NRXN1: variants seen among roughly 807,000 people sequenced by gnomAD.
The protein encoded by NRXN1 is neurexin 1, also known as neurexin-1.
A neutral mutation model predicts 150.9 loss-of-function variants in NRXN1; 39 were observed. That is an observed-to-expected ratio of 0.26 (90% confidence interval 0.20 to 0.34). The LOEUF is 0.34. Among genes scored for constraint, NRXN1 ranks in the 10% least tolerant of loss-of-function variants. The pLI is 1.00. For synonymous variants in NRXN1, 924 were observed against 757.0 expected, an observed-to-expected ratio of 1.22 and a Z score of -3.62; for missense variants, 1,815 against 1,949.9, an observed-to-expected ratio of 0.93 and a Z score of 1.30.
At chr2:50,178,041 T>C (rs1288355578) in intron 18 of NRXN1, among the ~76,000 whole-genome samples, 1 of 151,960 alleles carries the variant, frequency 6.6e-6, no homozygotes, top group Non-Finnish European at 1.5e-5. Flanking sequence ...AATTTGAGGG[T>C]TTACTAGAAG....
chr2:50,845,934 C>A (rs995665971), intron 5 of NRXN1, among the ~76,000 whole-genome samples: 1 of 152,134 alleles, frequency 6.6e-6, no homozygotes, highest in Non-Finnish European at 1.5e-5. Flanking sequence ...AATAGCACAG[C>A]CCATGAATTT....
chr2:50,472,518 C>A lies in NRXN1; in HGVS notation c.3071-47G>T. The A allele has an allele frequency of 2.0e-6, 3 of 1,497,320 alleles. 1 individual carries two copies. The Middle Eastern group carries it at 5.5e-4, about 272-fold the overall frequency. The allele number at this position is 1,497,320 out of a possible 1,614,324, so 92.8% of individuals were successfully genotyped here. A position where few individuals can be genotyped will look rare whatever the true frequency, so the allele number is the denominator to read the frequency against. The stretch of plus-strand genomic sequence containing the variant: ...TGTTACAAAAGTACCATGTCATTGA[C>A]TTTAAACACACAGTAGGATGGAGAA... On this transcript the variant is annotated intron_variant, in intron 15 of 22. Coordinates refer to ENST00000401669, the MANE Select transcript of NRXN1 (RefSeq NM_001330078.2).
At chr2:50,382,484 A>C (rs1480749507) in intron 17 of NRXN1, among the ~76,000 whole-genome samples, 2 of 152,130 alleles carry the variant, frequency 1.3e-5, no homozygotes, top group Non-Finnish European at 2.9e-5. Context: ...AGAAAAATGA[A>C]AAATACTGGT....
chr2:50,112,199 T>C (rs1346544296), intron 18 of NRXN1, among the ~76,000 whole-genome samples: 1 of 152,180 alleles, frequency 6.6e-6, no homozygotes, highest in Non-Finnish European at 1.5e-5. Context: ...CCCATCTGTG[T>C]TGCCTTTGCT....
chr2:50,467,991 G>T (rs370988823), intron 16 of NRXN1, among the ~76,000 whole-genome samples: 1 of 151,412 alleles, frequency 6.6e-6, no homozygotes, highest in East Asian at 1.9e-4. Flanking sequence ...AAAATAATTA[G>T]CATATTTTTA....
intron 5 of NRXN1, among the ~76,000 whole-genome samples, chr2:50,805,728 A>T (rs1667426463): frequency 6.6e-6 from 1 of 152,182 alleles, no homozygotes; most frequent in South Asian, 2.1e-4. Flanking sequence ...TGCATTATTA[A>T]AAAATAGAAT....
At chr2:50,499,736 TC>T (rs1255411723) in intron 13 of NRXN1, among the ~76,000 whole-genome samples, 3 of 151,882 alleles carry the variant, frequency 2.0e-5, no homozygotes, top group African/African-American at 7.3e-5. Context: ...TCACCTGAGG[TC>T]AGGAGTTTGA....
chr2:50,631,873 T>C (rs1682383259), intron 5 of NRXN1, among the ~76,000 whole-genome samples: 1 of 151,944 alleles, frequency 6.6e-6, no homozygotes, highest in African/African-American at 2.4e-5. Flanking sequence ...ACCTACAATG[T>C]AATCTATAAG....
chr2:50,829,250 G>C (rs1671032480), intron 5 of NRXN1, among the ~76,000 whole-genome samples: 2 of 151,128 alleles, frequency 1.3e-5, no homozygotes. Context: ...CGTGGGGAGA[G>C]GGAGACCGTG....
chr2:50,493,672 G>C (rs573495240), intron 15 of NRXN1, among the ~76,000 whole-genome samples: 1 of 152,308 alleles, frequency 6.6e-6, no homozygotes, highest in Non-Finnish European at 1.5e-5. Flanking sequence ...CACATGATAA[G>C]AGGCACCGTG....
At chr2:50,786,043 G>C (rs1246762885) in intron 5 of NRXN1, among the ~76,000 whole-genome samples, 2 of 152,024 alleles carry the variant, frequency 1.3e-5, no homozygotes, top group Non-Finnish European at 2.9e-5. Flanking sequence ...CAAACATCAA[G>C]AGTGGGAGGA....
Position 50,863,874 on chromosome 2 carries a change from C to T in NRXN1, c.832+57995G>A, listed in dbSNP as rs1001978247. 9.2e-5 allele frequency among the ~76,000 whole-genome samples: 14 copies of T among 151,974 alleles called. 1 individual carries two copies. The highest frequency in any genetic ancestry group is 6.6e-4 in the Admixed American group (10 of 15,232). ...CTATGCGCATTAAAAACCTGCTAGA[C>T]CATGGTGAGCCTATGAGATAGGAAA... On this transcript the variant is annotated intron_variant, in intron 5 of 22. Coordinates refer to ENST00000401669, the MANE Select transcript of NRXN1 (RefSeq NM_001330078.2).
At chr2:50,151,091 C>T (rs1310641684) in intron 18 of NRXN1, among the ~76,000 whole-genome samples, 1 of 151,770 alleles carries the variant, frequency 6.6e-6, no homozygotes, top group Non-Finnish European at 1.5e-5. Flanking sequence ...GCCTAGTCTG[C>T]AGTGAAACCA....
At chr2:50,026,773 A>AGACAACTT (rs1390225213) in intron 21 of NRXN1, among the ~76,000 whole-genome samples, 5 of 151,896 alleles carry the variant, frequency 3.3e-5, no homozygotes, top group Admixed American at 6.6e-5. Flanking sequence ...ATGAAAAACA[A>AGACAACTT]GACAACTTGA....
intron 17 of NRXN1, among the ~76,000 whole-genome samples, chr2:50,357,122 TA>T (rs535545923): frequency 4.8e-4 from 73 of 151,830 alleles, no homozygotes; most frequent in African/African-American, 1.7e-3. Context: ...ACAAAAAATT[TA>T]AAAAAATTTT....
At chr2:50,592,416 G>T (rs1275401436) in intron 8 of NRXN1, among the ~76,000 whole-genome samples, 111 of 152,292 alleles carry the variant, frequency 7.3e-4, no homozygotes, top group Non-Finnish European at 1.5e-5. Context: ...AAAAGTAGTA[G>T]GCCATGTTTC....
At chr2:50,993,491 A>T (rs529836126) in intron 2 of NRXN1, among the ~76,000 whole-genome samples, 22 of 152,014 alleles carry the variant, frequency 1.4e-4, no homozygotes, top group African/African-American at 5.3e-4. Context: ...ACTGCCTGAC[A>T]CTTGGTTGCA....
At chr2:50,070,686 C>T (rs191662776) in intron 19 of NRXN1, among the ~76,000 whole-genome samples, 3,259 of 147,036 alleles carry the variant, frequency 0.022, 122 homozygotes, top group African/African-American at 0.077. Context: ...AGGAGAATGG[C>T]GTGAACCCGG....
At chr2:50,201,664 A>T (rs114267196) in intron 18 of NRXN1, among the ~76,000 whole-genome samples, 1,679 of 152,284 alleles carry the variant, frequency 0.011, 40 homozygotes, top group African/African-American at 0.039. Context: ...ATTACCACAA[A>T]ACTAAATGGC....
Sources: allele counts gnomAD v4.1 joint callset (sites outside exome capture counted in the v4.1 genomes callset), GRCh38; gene constraint gnomAD v4.1.1; transcripts MANE v1.5; gene names NCBI Gene and HGNC (gene_info 2026-07-23, HGNC 2026-07-21).